Variants in CCDC102B observed in about 807,000 individuals in gnomAD.
CCDC102B encodes coiled-coil domain-containing protein 102B.
CCDC102B carries 75 observed loss-of-function variants against 57.4 expected under a neutral mutation model. That is an observed-to-expected ratio of 1.31 (90% CI 1.08 to 1.58). CCDC102B has a LOEUF of 1.58. Among genes scored for constraint, CCDC102B ranks in the 40% most tolerant of loss-of-function variants. The pLI, the probability that CCDC102B is intolerant of heterozygous loss-of-function variation, is 0.00. For missense variants in CCDC102B, 636 were observed against 582.6 expected (o/e 1.09, Z -0.94); for synonymous variants, 206 against 201.9 (o/e 1.02, Z -0.17).
At chr18:68,807,897 G>A (rs910700185) in intron 1 of CCDC102B, among the ~76,000 whole-genome samples, 1 of 152,104 alleles carries the variant, frequency 6.6e-6, no homozygotes, top group Non-Finnish European at 1.5e-5. Flanking sequence ...AGAGTTGGTG[G>A]CCTCTATGTC....
In CCDC102B at chr18:68,837,273, T is replaced by C. The variant is rs914424832; in HGVS notation, c.510T>C (p.His170=). 1.2e-6 allele frequency: 2 copies of C among 1,614,090 alleles called. No individual in the cohort carries two copies. Among genetic ancestry groups the C allele is most frequent in the Non-Finnish European group, 1.7e-6 (2 of 1,179,980 alleles). The change falls in exon 2 of 8, where the codon CAT becomes CAC. Residue 170 remains histidine, a synonymous_variant. Transcript: ENST00000360242. ...LPGFVEESCE[H]TDQFQLSSQM... The stretch of plus-strand genomic sequence containing the variant: ...GCTTCGTAGAAGAATCCTGTGAACA[T>C]ACAGACCAATTTCAATTGAGTTCAC...
chr18:69,045,363 C>A (rs1037655787), intron 7 of CCDC102B, among the ~76,000 whole-genome samples: 4 of 151,910 alleles, frequency 2.6e-5, no homozygotes, highest in Non-Finnish European at 5.9e-5. Flanking sequence ...ACATGTTAAT[C>A]ATTTCCTTCT....
chr18:68,832,772 G>T (rs1356387299), intron 1 of CCDC102B, among the ~76,000 whole-genome samples: 1 of 149,162 alleles, frequency 6.7e-6, no homozygotes, highest in Non-Finnish European at 1.5e-5. Context: ...GGGGAAGAGA[G>T]TCTGCGGAGA....
chr18:68,741,582 A>G (rs1486852084), intron 2 of CCDC102B, among the ~76,000 whole-genome samples: 1 of 151,986 alleles, frequency 6.6e-6, no homozygotes. Context: ...CAACTTTGCA[A>G]TAAGGCAAAT....
At chr18:68,751,605 CA>C (rs1327196230) in intron 2 of CCDC102B, among the ~76,000 whole-genome samples, 1 of 152,176 alleles carries the variant, frequency 6.6e-6, no homozygotes, top group African/African-American at 2.4e-5. Flanking sequence ...GAAACTTGTA[CA>C]TCAGGTGACC....
At chr18:68,856,982 T>TAA in intron 4 of CCDC102B, among the ~76,000 whole-genome samples, 1 of 141,824 alleles carries the variant, frequency 7.1e-6, no homozygotes, top group African/African-American at 2.6e-5. Flanking sequence ...ACAGTATATA[T>TAA]AATGATCCAT....
intron 6 of CCDC102B, among the ~76,000 whole-genome samples, chr18:68,921,241 A>G (rs2041268650): frequency 6.6e-6 from 1 of 152,132 alleles, no homozygotes; most frequent in Non-Finnish European, 1.5e-5. Context: ...GGGACCCAGT[A>G]GGAGGTAATT....
At chr18:69,056,316 CA>C (rs2052814027), downstream of CCDC102B, among the ~76,000 whole-genome samples, 1 of 151,854 alleles carries the variant, frequency 6.6e-6, no homozygotes, top group African/African-American at 2.4e-5. Context: ...CAATCAATGC[CA>C]AAACTTAATG....
chr18:69,037,620 A>G (rs1362350791), intron 7 of CCDC102B, among the ~76,000 whole-genome samples: 2 of 152,004 alleles, frequency 1.3e-5, no homozygotes, highest in African/African-American at 4.8e-5. Flanking sequence ...TGAGAAGGTT[A>G]ACAAAAGAAG....
At chr18:68,978,432 A>T (rs2050494564) in intron 6 of CCDC102B, among the ~76,000 whole-genome samples, 1 of 152,022 alleles carries the variant, frequency 6.6e-6, no homozygotes, top group African/African-American at 2.4e-5. Context: ...GAAGATCAGA[A>T]ATATGGAAAT....
intron 6 of CCDC102B, among the ~76,000 whole-genome samples, chr18:68,977,204 T>C (rs546482913): frequency 6.6e-6 from 1 of 152,170 alleles, no homozygotes; most frequent in South Asian, 2.1e-4. Context: ...TATGTTTTCT[T>C]AAGTTATCAG....
chr18:68,992,796 G>C (rs1017430276), intron 6 of CCDC102B: 1 of 160,636 alleles, frequency 6.2e-6, no homozygotes, highest in African/African-American at 2.4e-5. Flanking sequence ...GAGGAACGCA[G>C]CCTCATGTAG....
chr18:68,952,656 G>A (rs1244225524), intron 6 of CCDC102B, among the ~76,000 whole-genome samples: 1 of 152,144 alleles, frequency 6.6e-6, no homozygotes, highest in African/African-American at 2.4e-5. Flanking sequence ...CCAAATTTCA[G>A]TGAGTAAGTG....
At position 68,984,744 on chromosome 18, in the gene CCDC102B, A is replaced by T. The variant is rs371908520; in HGVS notation, c.1264-26190A>T. Among the ~76,000 whole-genome samples the T allele has an allele frequency of 3.3e-5, 5 of 152,134 alleles. No homozygotes were observed. In the East Asian group the frequency reaches 5.8e-4, roughly 18 times the overall value. On this transcript the variant is annotated intron_variant, in intron 6 of 7. Transcript: ENST00000360242. ...TAGAAATACCAACACAGAGTGAGAG[A>T]TAAAACTTAAATATTCCACAGTGAA...
intron 1 of CCDC102B, among the ~76,000 whole-genome samples, chr18:68,811,492 G>T (rs528226514): frequency 9.9e-5 from 15 of 152,254 alleles, no homozygotes; most frequent in African/African-American, 3.6e-4. Flanking sequence ...GCGTGCACCT[G>T]TAATTCCAGC....
intron 4 of CCDC102B, among the ~76,000 whole-genome samples, chr18:68,868,803 A>T (rs530774316): frequency 5.3e-5 from 8 of 152,302 alleles, no homozygotes; most frequent in African/African-American, 1.9e-4. Flanking sequence ...TCAAAAAATG[A>T]CTCAAACTCA....
At chr18:68,740,092 T>C (rs374260632) in intron 2 of CCDC102B, among the ~76,000 whole-genome samples, 1 of 152,236 alleles carries the variant, frequency 6.6e-6, no homozygotes, top group Non-Finnish European at 1.5e-5. Context: ...AATTCTTTGT[T>C]ATGGAGAAGC....
At chr18:68,946,830 A>G (rs951012232) in intron 6 of CCDC102B, among the ~76,000 whole-genome samples, 2 of 152,044 alleles carry the variant, frequency 1.3e-5, no homozygotes, top group African/African-American at 4.8e-5. Flanking sequence ...GGGCCAGTTC[A>G]TGCTACACCA....
intron 6 of CCDC102B, chr18:68,900,264 T>G (rs1181002714): frequency 7.2e-5 from 11 of 152,132 alleles, no homozygotes; most frequent in Admixed American, 7.2e-4. Context: ...GGCAAAGATG[T>G]TTAAGACCTA....
Sources: allele counts gnomAD v4.1 joint callset (sites outside exome capture counted in the v4.1 genomes callset), GRCh38; gene constraint gnomAD v4.1.1; transcripts MANE v1.5; gene names NCBI Gene and HGNC (gene_info 2026-07-23, HGNC 2026-07-21).